THRB: variants seen among roughly 807,000 people sequenced by gnomAD.
The protein encoded by THRB is thyroid hormone receptor beta.
A neutral mutation model predicts 47.8 loss-of-function variants in THRB; 12 were observed. That is an observed-to-expected ratio of 0.25 (90% confidence interval 0.16 to 0.41). THRB has a LOEUF of 0.41. Ranked by LOEUF, THRB falls within the 10% of genes least tolerant of loss-of-function variation. THRB has a pLI of 1.00. For missense variants in THRB, 348 were observed against 589.2 expected (o/e 0.59, Z 4.24); for synonymous variants, 218 against 212.2 (o/e 1.03, Z -0.24).
At chr3:24,296,800 A>T (rs758577166) in intron 3 of THRB, among the ~76,000 whole-genome samples, 6 of 152,218 alleles carry the variant, frequency 3.9e-5, no homozygotes, top group Non-Finnish European at 8.8e-5. Flanking sequence ...TCAGTTAAAT[A>T]GGGCTATCCA....
intron 3 of THRB, among the ~76,000 whole-genome samples, chr3:24,296,389 G>T (rs1281425445): frequency 6.6e-6 from 1 of 152,200 alleles, no homozygotes; most frequent in African/African-American, 2.4e-5. Context: ...ACTTCCCAAA[G>T]CTCCTGCTAA....
chr3:24,434,257 G>T (rs2070722108), intron 1 of THRB, among the ~76,000 whole-genome samples: 1 of 152,114 alleles, frequency 6.6e-6, no homozygotes. Context: ...CGCTTTAAGG[G>T]TCCATATAGA....
intron 3 of THRB, among the ~76,000 whole-genome samples, chr3:24,282,909 C>T (rs2054780823): frequency 6.6e-6 from 1 of 151,628 alleles, no homozygotes; most frequent in Admixed American, 6.6e-5. Context: ...TCTGAATAGA[C>T]CAATAACAGG....
At chr3:24,429,070 T>C (rs1226370723) in intron 1 of THRB, among the ~76,000 whole-genome samples, 2 of 151,696 alleles carry the variant, frequency 1.3e-5, no homozygotes, top group Non-Finnish European at 2.9e-5. Context: ...AAACGTAGGT[T>C]TGGAAAACAA....
intron 1 of THRB, chr3:24,486,717 A>G (rs1465940148): frequency 6.6e-6 from 1 of 152,198 alleles, no homozygotes; most frequent in East Asian, 1.9e-4. Context: ...GCTACATTAC[A>G]GGACAAATGT....
intron 2 of THRB, among the ~76,000 whole-genome samples, chr3:24,323,350 A>G (rs2058608406): frequency 6.6e-6 from 1 of 152,006 alleles, no homozygotes; most frequent in Admixed American, 6.6e-5. Context: ...GTTTGTTTTC[A>G]AATAGCATTC....
intron 2 of THRB, among the ~76,000 whole-genome samples, chr3:24,297,878 G>A (rs1191674582): frequency 6.6e-6 from 1 of 152,154 alleles, no homozygotes; most frequent in Non-Finnish European, 1.5e-5. Context: ...CTTGTAGCAC[G>A]TGTAAGGGCC....
intron 1 of THRB, among the ~76,000 whole-genome samples, chr3:24,406,898 G>T (rs1289718467): frequency 6.6e-6 from 1 of 151,810 alleles, no homozygotes; most frequent in African/African-American, 2.4e-5. Context: ...CATAACAGGT[G>T]AATATGTAAA....
At chr3:24,161,093 C>T (rs1575502118) in intron 5 of THRB, among the ~76,000 whole-genome samples, 1 of 152,232 alleles carries the variant, frequency 6.6e-6, no homozygotes, top group African/African-American at 2.4e-5. Flanking sequence ...ACGATTATTG[C>T]TCCTTACTTT....
At chr3:24,299,587 G>A (rs1270973555) in intron 2 of THRB, among the ~76,000 whole-genome samples, 1 of 151,862 alleles carries the variant, frequency 6.6e-6, no homozygotes, top group Non-Finnish European at 1.5e-5. Flanking sequence ...AGATTACCAA[G>A]TGTAACTGCA....
chr3:24,309,388 A>G (rs2057589459), intron 2 of THRB, among the ~76,000 whole-genome samples: 1 of 152,200 alleles, frequency 6.6e-6, no homozygotes, highest in African/African-American at 2.4e-5. Context: ...AGCTGTTTGT[A>G]TCCCATTAAC....
At chr3:24,280,271 C>T (rs2054416267) in intron 3 of THRB, among the ~76,000 whole-genome samples, 3 of 152,078 alleles carry the variant, frequency 2.0e-5, no homozygotes, top group Admixed American at 2.0e-4. Context: ...TCAAGTGGGT[C>T]CCTGACTCCT....
chr3:24,123,832 G>C (rs1016331761), intron 10 of THRB, among the ~76,000 whole-genome samples: 2 of 152,124 alleles, frequency 1.3e-5, no homozygotes, highest in Non-Finnish European at 2.9e-5. Flanking sequence ...AAGACACCGG[G>C]ACCCTGGAAA....
At chr3:24,438,804 T>C (rs1007902929) in intron 1 of THRB, among the ~76,000 whole-genome samples, 1 of 152,100 alleles carries the variant, frequency 6.6e-6, no homozygotes, top group African/African-American at 2.4e-5. Flanking sequence ...TAGAAGCCCC[T>C]GTCAGGTAGA....
intron 5 of THRB, among the ~76,000 whole-genome samples, chr3:24,177,242 T>G (rs1415155970): frequency 6.6e-6 from 1 of 152,142 alleles, no homozygotes; most frequent in African/African-American, 2.4e-5. Flanking sequence ...TGAAACAACG[T>G]AGGTTACATT....
chr3:24,124,370 C>T (rs560296882), intron 10 of THRB, among the ~76,000 whole-genome samples: 1 of 152,320 alleles, frequency 6.6e-6, no homozygotes, highest in South Asian at 2.1e-4. Context: ...CCTATCTTCT[C>T]TCTTTCTTTG....
chr3:24,383,200 A>G (rs1363864822), intron 1 of THRB, among the ~76,000 whole-genome samples: 1 of 152,128 alleles, frequency 6.6e-6, no homozygotes, highest in Non-Finnish European at 1.5e-5. Flanking sequence ...AATCTTCAAC[A>G]AAGTACCCGG....
intron 5 of THRB, among the ~76,000 whole-genome samples, chr3:24,172,986 CT>C (rs931892459): frequency 1.5e-4 from 23 of 152,140 alleles, no homozygotes; most frequent in Non-Finnish European, 2.6e-4. Flanking sequence ...AAAGAACAGC[CT>C]TTTGTGGTTC....
chr3:24,302,620 T>G (rs1038502180), intron 2 of THRB, among the ~76,000 whole-genome samples: 1 of 152,220 alleles, frequency 6.6e-6, no homozygotes, highest in Non-Finnish European at 1.5e-5. Flanking sequence ...GCCAACTTAT[T>G]GTAAGTGAAG....
Sources: gnomAD v4.1 joint callset for allele counts (sites outside exome capture counted in the v4.1 genomes callset) on GRCh38, gnomAD v4.1.1 for gene constraint, MANE v1.5 for transcripts, NCBI Gene and HGNC (gene_info 2026-07-23, HGNC 2026-07-21) for gene names.